The following DLG2 variants were observed in gnomAD, a reference collection of about 807,000 sequenced individuals.
DLG2 encodes the protein discs large MAGUK scaffold protein 2.
A neutral mutation model predicts 132.5 loss-of-function variants in DLG2; 45 were observed. The ratio of observed to expected loss-of-function variants is 0.34; its 90% CI spans 0.27 to 0.44. The LOEUF (loss-of-function observed/expected upper bound fraction) is 0.44, where lower values mean the gene tolerates loss of function less well. DLG2 is among the 20% of genes least tolerant of loss of function. The probability of loss-of-function intolerance (pLI) is 1.00; values close to 1 mark genes in which losing one functional copy is unlikely to be tolerated. For synonymous variants in DLG2, 424 were observed against 419.6 expected, an observed-to-expected ratio of 1.01 and a Z score of -0.13; for missense variants, 1,045 against 1,196.9, an observed-to-expected ratio of 0.87 and a Z score of 1.87.
intron 7 of DLG2, among the ~76,000 whole-genome samples, chr11:84,265,029 T>A (rs545136481): frequency 6.6e-6 from 1 of 152,222 alleles, no homozygotes; most frequent in African/African-American, 2.4e-5. Context: ...TAAAAGAGTT[T>A]AGAACTTGGA....
At chr11:84,007,785 T>A (rs2094645664) in intron 11 of DLG2, among the ~76,000 whole-genome samples, 1 of 151,776 alleles carries the variant, frequency 6.6e-6, no homozygotes, top group Admixed American at 6.6e-5. Context: ...TTGTAATATG[T>A]TGTTTAGCTT....
chr11:84,494,642 A>G (rs2099175452), intron 7 of DLG2, among the ~76,000 whole-genome samples: 1 of 152,144 alleles, frequency 6.6e-6, no homozygotes, highest in Admixed American at 6.5e-5. Flanking sequence ...TGGTTTCAGG[A>G]AAGAGGACCA....
intron 6 of DLG2, among the ~76,000 whole-genome samples, chr11:84,892,557 A>C (rs2089571570): frequency 6.6e-6 from 1 of 152,102 alleles, no homozygotes; most frequent in African/African-American, 2.4e-5. Context: ...CTTATAGTTT[A>C]ATAAAAGTTA....
At chr11:84,619,652 T>C (rs1447113947) in intron 6 of DLG2, among the ~76,000 whole-genome samples, 1 of 150,836 alleles carries the variant, frequency 6.6e-6, no homozygotes, top group Admixed American at 6.6e-5. Context: ...TCAACAAATA[T>C]AGAAGGAAAA....
chr11:85,012,555 TATA>T (rs2059229300), intron 6 of DLG2, among the ~76,000 whole-genome samples: 3 of 152,056 alleles, frequency 2.0e-5, no homozygotes, highest in African/African-American at 7.2e-5. Flanking sequence ...TGATAGGCAT[TATA>T]ATTACAAATA....
intron 3 of DLG2, among the ~76,000 whole-genome samples, chr11:85,351,446 T>C (rs1004101644): frequency 4.6e-5 from 7 of 152,200 alleles, no homozygotes; most frequent in African/African-American, 1.7e-4. Flanking sequence ...TCCAACACTA[T>C]GTTGAATAGG....
At chr11:83,632,288 C>A (rs1038743755) in intron 19 of DLG2, 2 of 152,128 alleles carry the variant, frequency 1.3e-5, no homozygotes, top group South Asian at 4.1e-4. Context: ...ATAACATATA[C>A]GTCATGCCTA....
At chr11:84,142,246 A>G (rs902252703) in intron 9 of DLG2, among the ~76,000 whole-genome samples, 11 of 149,790 alleles carry the variant, frequency 7.3e-5, no homozygotes, top group Admixed American at 1.3e-4. Flanking sequence ...ATTTGAACCC[A>G]GGAGGCGGAG....
chr11:85,122,241 C>T (rs970661213), intron 5 of DLG2, among the ~76,000 whole-genome samples: 1 of 152,084 alleles, frequency 6.6e-6, no homozygotes, highest in South Asian at 2.1e-4. Context: ...AGACAATGTG[C>T]GGAGAACATG....
chr11:84,232,058 G>A (rs915690690), intron 8 of DLG2, among the ~76,000 whole-genome samples: 6 of 152,160 alleles, frequency 3.9e-5, no homozygotes, highest in African/African-American at 1.4e-4. Context: ...ACTAAAGCCA[G>A]ACTATGTGAA....
At chr11:84,486,753 AG>A (rs543167403) in intron 7 of DLG2, among the ~76,000 whole-genome samples, 31 of 152,158 alleles carry the variant, frequency 2.0e-4, no homozygotes, top group Non-Finnish European at 4.3e-4. Flanking sequence ...CCCCAAGACA[AG>A]GGAGTGAAAT....
intron 9 of DLG2, among the ~76,000 whole-genome samples, chr11:84,136,231 C>T (rs1273306215): frequency 6.6e-6 from 1 of 152,032 alleles, no homozygotes; most frequent in East Asian, 1.9e-4. Flanking sequence ...ATAACATCTA[C>T]CACATAGGTT....
chr11:83,689,594 A>C (rs1004475523), intron 18 of DLG2, among the ~76,000 whole-genome samples: 25 of 152,074 alleles, frequency 1.6e-4, no homozygotes, highest in African/African-American at 6.0e-4. Flanking sequence ...TCTAGTTCAT[A>C]TAGCTGTTGT....
intron 3 of DLG2, among the ~76,000 whole-genome samples, chr11:85,459,084 G>A (rs1597495999): frequency 6.6e-6 from 1 of 152,198 alleles, no homozygotes. Flanking sequence ...CAGGGAGACA[G>A]ACTGGCCTCT....
At chr11:84,297,685 A>G (rs2098109526) in intron 7 of DLG2, among the ~76,000 whole-genome samples, 1 of 151,978 alleles carries the variant, frequency 6.6e-6, no homozygotes, top group African/African-American at 2.4e-5. Flanking sequence ...TGTTTAAAGG[A>G]GTCCAATGGC....
chr11:84,612,620 G>T (rs2099597362), intron 6 of DLG2, among the ~76,000 whole-genome samples: 3 of 151,768 alleles, frequency 2.0e-5, no homozygotes, highest in African/African-American at 7.3e-5. Context: ...TAATTTGTGT[G>T]GTAAGACTAA....
chr11:83,694,544 C>A (rs1397185883), intron 18 of DLG2, among the ~76,000 whole-genome samples: 1 of 152,142 alleles, frequency 6.6e-6, no homozygotes, highest in Admixed American at 6.6e-5. Flanking sequence ...CCCCCCAGCA[C>A]AAAGTCATAA....
chr11:84,198,357 T>C (rs1324885526), intron 8 of DLG2, among the ~76,000 whole-genome samples: 2 of 152,192 alleles, frequency 1.3e-5, no homozygotes, highest in Non-Finnish European at 2.9e-5. Context: ...TGGAATTTTG[T>C]TTCTTATAGT....
chr11:85,540,361 C>T lies in DLG2; in HGVS notation c.40+58296G>A, dbSNP rs1021805719. ...AGAGGAACAGAGGATCAGAAGAGCA[C>T]ACTGACAGACACCAGCAGATGCTGA... On this transcript the variant is annotated intron_variant, in intron 3 of 27. Coordinates refer to ENST00000376104, the MANE Select transcript of DLG2 (RefSeq NM_001142699.3). 3.9e-5 allele frequency among the ~76,000 whole-genome samples: 6 copies of T among 152,286 alleles called. 1 individual carries two copies. In the Middle Eastern group the frequency reaches 0.01, roughly 259 times the overall value.
Sources: gnomAD v4.1 joint callset for allele counts (sites outside exome capture counted in the v4.1 genomes callset) on GRCh38, gnomAD v4.1.1 for gene constraint, MANE v1.5 for transcripts, NCBI Gene and HGNC (gene_info 2026-07-23, HGNC 2026-07-21) for gene names.